Variants in TCP10L observed in about 807,000 individuals in gnomAD.
TCP10L encodes the protein T-complex protein 10A homolog 1.
In TCP10L, 11 loss-of-function variants were observed where a neutral mutation model predicts 19.2. The observed-to-expected ratio is 0.57, with a 90% CI of 0.36 to 0.95. The LOEUF is 0.95. Among genes scored for constraint, TCP10L ranks in the 40% least tolerant of loss-of-function variants. TCP10L has a pLI of 0.01. For missense variants in TCP10L, 247 were observed against 263.9 expected (o/e 0.94, Z 0.44); for synonymous variants, 96 against 97.2 (o/e 0.99, Z 0.07).
intron 1 of TCP10L, among the ~76,000 whole-genome samples, chr21:32,584,661 T>C (rs1054904503): frequency 1.3e-5 from 2 of 151,900 alleles, no homozygotes; most frequent in African/African-American, 4.8e-5. Context: ...ATGAGCGGAA[T>C]GTGAATGGAT....
intron 1 of TCP10L, 105 bp from the exon 2 acceptor site, chr21:32,584,410 C>A: frequency 1.4e-6 from 2 of 1,442,762 alleles, no homozygotes; most frequent in Non-Finnish European, 1.8e-6. Context: ...GCAGGACCCG[C>A]AGCCGCTCCT....
rs544585150 is a variant in TCP10L at position 32,573,990 on chromosome 21, C to G, written c.*2784G>C. The G allele has an allele frequency of 4.6e-5, 7 of 152,084 alleles. No individual in the cohort carries two copies. Among genetic ancestry groups the G allele is most frequent in the East Asian group, 1.9e-4 (1 of 5,198 alleles). 9.4% of individuals were successfully genotyped at this position (152,084 alleles called of 1,614,324 possible). ...AGAAAAATGTTCCCACTCGTCCCCCCACTGAAGATGTTGAAAAGGGCAGAA... is the reference window on the plus strand; with the variant it reads ...AGAAAAATGTTCCCACTCGTCCCCCGACTGAAGATGTTGAAAAGGGCAGAA... On this transcript the variant is annotated 3_prime_UTR_variant, in exon 5 of 5. Transcript: ENST00000300258.
rs1256213970 is a variant in TCP10L, at chr21:32,582,349, C to T, written c.211G>A (p.Val71Ile). ...ATATGACTCCGGAGTTTTCCATGAA[C>T]ATCAGCCCACAGAGACTTCTGTCTC... ...LGRQKSLWAD[V>I]HGKLRSHIDA... is the part of the protein sequence containing the mutation. The change falls in exon 3 of 5, where the codon GTT becomes ATT. Residue 71 changes from valine (V) to isoleucine (I), a missense_variant. Coordinates refer to ENST00000300258, the MANE Select transcript of TCP10L (RefSeq NM_144659.7). The surrounding 1 kb of genome is among the most constrained non-coding windows in gnomAD (Gnocchi z 4.2). 5.0e-6 allele frequency: 8 copies of T among 1,614,020 alleles called. No homozygotes were observed. The highest frequency in any genetic ancestry group is 1.3e-5 in the African/African-American group (1 of 74,990).
rs1372879630 is a variant in TCP10L, at chr21:32,584,109, A to C, written c.144+52T>G. 4 of 1,558,696 alleles carry C rather than the reference A, an allele frequency of 2.6e-6. No individual in the cohort carries two copies. In the African/African-American group the frequency reaches 4.1e-5, roughly 16 times the overall value. ...CCAATGACGGGCCTCAGGGACAGGA[A>C]TCAGGGTCCCGCCTGGTGGGACTAA... On this transcript the variant is annotated intron_variant, in intron 2 of 4. Transcript: ENST00000300258.
In TCP10L at chr21:32,573,982, C is replaced by T. The variant is rs1296454640; in HGVS notation, c.*2792G>A. 1.3e-5 allele frequency: 2 copies of T among 152,176 alleles called. No homozygotes were observed. The highest frequency in any genetic ancestry group is 3.9e-4 in the East Asian group (2 of 5,184). The allele number at this position is 152,176 out of a possible 1,614,324, so 9.4% of individuals were successfully genotyped here. On this transcript the variant is annotated 3_prime_UTR_variant, in exon 5 of 5. Transcript: ENST00000300258. ...AAATCCCAAGAAAAATGTTCCCACT[C>T]GTCCCCCCACTGAAGATGTTGAAAA... is the stretch of plus-strand genomic sequence containing the variant.
intron 3 of TCP10L, among the ~76,000 whole-genome samples, chr21:32,581,117 G>A (rs2038489690): frequency 6.6e-6 from 1 of 152,208 alleles, no homozygotes; most frequent in African/African-American, 2.4e-5. Flanking sequence ...CAAGCGGCTG[G>A]ATGTCGAGAA....
At position 32,584,120 on chromosome 21, in the gene TCP10L, G is replaced by A. The variant is rs776026306; in HGVS notation, c.144+41C>T. The A allele has an allele frequency of 8.9e-6, 14 of 1,578,596 alleles. No individual in the cohort carries two copies. In the East Asian group the frequency reaches 1.4e-4, roughly 15 times the overall value. On this transcript the variant is annotated intron_variant, in intron 2 of 4. Transcript: ENST00000300258. ...CCTCAGGGACAGGAATCAGGGTCCC[G>A]CCTGGTGGGACTAACTCTGTCCCCA...
rs1326498491 is a variant in TCP10L at position 32,584,241 on chromosome 21, G to T, written c.64C>A (p.Pro22Thr). The T allele has an allele frequency of 3.1e-6, 5 of 1,614,098 alleles. No individual in the cohort carries two copies. Among genetic ancestry groups the T allele is most frequent in the Non-Finnish European group, 4.2e-6 (5 of 1,179,998 alleles). ...KEGTHPEDPC[P>T]GAGAVMEKTA... ...TTCTCCATGACAGCCCCAGCTCCTG[G>T]GCACGGGTCCTCTGGGTGGGTGCCC... The change falls in exon 2 of 5, where the codon CCA becomes ACA. Residue 22 changes from proline (P) to threonine (T), a missense_variant. By Grantham distance (38) the Pro-to-Thr change is conservative. Coordinates refer to ENST00000300258, the MANE Select transcript of TCP10L (RefSeq NM_144659.7).
At chr21:32,580,476 CTGTGTGTGTGTGTGTGTGTG>C (rs3056366) in intron 3 of TCP10L, among the ~76,000 whole-genome samples, 3 of 137,318 alleles carry the variant, frequency 2.2e-5, no homozygotes, top group African/African-American at 8.2e-5. Context: ...CGGTGGGTGC[CTGTGTGTGTGTGTGTGTGTG>C]TGTGTGTGTG....
At chr21:32,580,432 A>G (rs1262464051) in intron 3 of TCP10L, among the ~76,000 whole-genome samples, 1 of 151,144 alleles carries the variant, frequency 6.6e-6, no homozygotes, top group East Asian at 1.9e-4. Context: ...TGCTTGGAGA[A>G]CAAACCACAG....
intron 3 of TCP10L, among the ~76,000 whole-genome samples, chr21:32,580,429 A>T (rs1056360308): frequency 4.7e-5 from 7 of 150,486 alleles, no homozygotes; most frequent in Non-Finnish European, 1.0e-4. Context: ...CTGTGCTTGG[A>T]GAACAAACCA....
intron 1 of TCP10L, among the ~76,000 whole-genome samples, chr21:32,585,030 C>G (rs1049926828): frequency 1.3e-5 from 2 of 152,338 alleles, no homozygotes; most frequent in South Asian, 2.1e-4. Context: ...GCTGCCTCCA[C>G]CCCTGCCTTG....
rs765751559 is a variant in TCP10L, at chr21:32,576,757, A to C, written c.*17T>G. The C allele has an allele frequency of 1.4e-5, 23 of 1,611,094 alleles. No homozygotes were observed. Among genetic ancestry groups the C allele is most frequent in the Non-Finnish European group, 1.9e-5 (22 of 1,178,950 alleles). On this transcript the variant is annotated 3_prime_UTR_variant, in exon 5 of 5. Transcript: ENST00000300258. ...CAGTGTAGAGTGACACAGGTGTCCG[A>C]GGCCACCTTTCCATCTTCAGACACC...
chr21:32,580,264 C>G (rs1300440853), intron 3 of TCP10L, among the ~76,000 whole-genome samples: 1 of 150,888 alleles, frequency 6.6e-6, no homozygotes, highest in African/African-American at 2.4e-5. Context: ...CGCCACCACA[C>G]CTGGCTAATG....
intron 3 of TCP10L, among the ~76,000 whole-genome samples, chr21:32,580,476 C>CTGTG (rs3056366): frequency 0.11 from 15,482 of 137,164 alleles, 969 homozygotes; most frequent in African/African-American, 0.16. Context: ...CGGTGGGTGC[C>CTGTG]TGTGTGTGTG....
At position 32,582,458 on chromosome 21, in the gene TCP10L, A is replaced by C; in HGVS notation, c.145-43T>G. On this transcript the variant is annotated intron_variant, in intron 2 of 4. Coordinates refer to ENST00000300258, the MANE Select transcript of TCP10L (RefSeq NM_144659.7). The surrounding 1 kb of genome is among the most constrained non-coding windows in gnomAD (Gnocchi z 4.2). The stretch of plus-strand genomic sequence containing the variant: ...ACACCAGAAAAACCTCTCAGATGTC[A>C]CAATGGGCACATTTATCTGCAAAAT... The C allele has an allele frequency of 1.9e-6, 3 of 1,570,736 alleles. No individual in the cohort carries two copies. Among genetic ancestry groups the C allele is most frequent in the Non-Finnish European group, 2.6e-6 (3 of 1,156,500 alleles).
rs1402314524 is a variant in TCP10L at position 32,577,036 on chromosome 21, C to T, written c.499-113G>A. The stretch of plus-strand genomic sequence containing the variant: ...AATGTAGATGATTCTACTCCCCCTT[C>T]CTACAGAAGGACACATGAGGTATCC... On this transcript the variant is annotated intron_variant, in intron 4 of 4. Transcript: ENST00000300258. 8 of 1,121,892 alleles carry T rather than the reference C, an allele frequency of 7.1e-6. No homozygotes were observed. In the East Asian group the frequency reaches 1.7e-4, roughly 24 times the overall value. 69.5% of individuals were successfully genotyped at this position (1,121,892 alleles called of 1,614,324 possible). A position where few individuals can be genotyped will look rare whatever the true frequency, so the allele number is the denominator to read the frequency against.
chr21:32,576,520 C>G lies in TCP10L; in HGVS notation c.*254G>C. 1.7e-6 allele frequency: 1 copy of G among 604,228 alleles called. No individual in the cohort carries two copies. The allele number at this position is 604,228 out of a possible 1,614,324, so 37.4% of individuals were successfully genotyped here. On this transcript the variant is annotated 3_prime_UTR_variant, in exon 5 of 5. Transcript: ENST00000300258. ...TTTTAAAGACTCTGCAGAAATATACCAACTACAGAGCTCAGGAAAGCAACT... is the reference window on the plus strand; with the variant it reads ...TTTTAAAGACTCTGCAGAAATATACGAACTACAGAGCTCAGGAAAGCAACT...
Position 32,582,598 on chromosome 21 carries a change from CTTTT to C in TCP10L, c.145-187_145-184del, listed in dbSNP as rs1005569345. Among the ~76,000 whole-genome samples, 4 of 151,990 alleles carry C rather than the reference CTTTT, an allele frequency of 2.6e-5. No homozygotes were observed. The highest frequency in any genetic ancestry group is 4.4e-5 in the Non-Finnish European group (3 of 68,008). On this transcript the variant is annotated intron_variant, in intron 2 of 4. Transcript: ENST00000300258. This position sits in a 1 kb window ranked among gnomAD's most constrained non-coding sequence, Gnocchi z 4.2. ...TCTTCTTTCTTTCCTTTCTTTCTTTCTTTTCTTTTCTTTTTTCAGGGTCTCACTC... is the reference window on the plus strand; with the variant it reads ...TCTTCTTTCTTTCCTTTCTTTCTTTCCTTTTCTTTTTTCAGGGTCTCACTC...
Sources: allele counts gnomAD v4.1 joint callset (sites outside exome capture counted in the v4.1 genomes callset), GRCh38; gene constraint gnomAD v4.1.1; non-coding constraint Gnocchi (gnomAD v3.1); transcripts MANE v1.5; gene names NCBI Gene and HGNC (gene_info 2026-07-23, HGNC 2026-07-21).